The following SGCZ variants were observed in gnomAD, a reference collection of about 807,000 sequenced individuals.
SGCZ encodes the protein zeta-sarcoglycan.
A neutral mutation model predicts 41.3 loss-of-function variants in SGCZ; 40 were observed. The observed-to-expected ratio is 0.97, with a 90% CI of 0.75 to 1.26. The LOEUF is 1.26. SGCZ is among the 50% of genes most tolerant of loss of function. SGCZ has a pLI of 0.00. For synonymous variants in SGCZ, 206 were observed against 137.5 expected, an observed-to-expected ratio of 1.50 and a Z score of -3.49; for missense variants, 552 against 369.8, an observed-to-expected ratio of 1.49 and a Z score of -4.04.
chr8:14,813,144 C>G (rs1055822837), intron 1 of SGCZ, among the ~76,000 whole-genome samples: 3 of 152,154 alleles, frequency 2.0e-5, no homozygotes, highest in Admixed American at 6.6e-5. Flanking sequence ...CACCATCTGA[C>G]TGCCTCAAAG....
At chr8:15,006,524 A>G (rs542586198) in intron 1 of SGCZ, among the ~76,000 whole-genome samples, 1 of 152,340 alleles carries the variant, frequency 6.6e-6, no homozygotes, top group Middle Eastern at 3.4e-3. Flanking sequence ...AAGCCTGATC[A>G]TTAGCCATTG....
At chr8:14,751,572 T>C (rs1256373772) in intron 1 of SGCZ, among the ~76,000 whole-genome samples, 2 of 152,196 alleles carry the variant, frequency 1.3e-5, no homozygotes, top group Non-Finnish European at 2.9e-5. Flanking sequence ...ACTGTATTTT[T>C]ATTTCCACAG....
intron 4 of SGCZ, among the ~76,000 whole-genome samples, chr8:14,217,218 C>A (rs1390812433): frequency 7.0e-6 from 1 of 141,924 alleles, no homozygotes; most frequent in Non-Finnish European, 1.5e-5. Flanking sequence ...ATGGCGTGAA[C>A]CTGGGAGGCA....
intron 2 of SGCZ, among the ~76,000 whole-genome samples, chr8:14,402,896 C>T (rs1004659188): frequency 7.7e-4 from 116 of 149,956 alleles, no homozygotes; most frequent in Non-Finnish European, 1.2e-3. Context: ...GCCATTTTCA[C>T]GATATTGATT....
chr8:14,122,822 G>A (rs1227285784), intron 5 of SGCZ, among the ~76,000 whole-genome samples: 2 of 95,236 alleles, frequency 2.1e-5, no homozygotes, highest in African/African-American at 8.5e-5. Context: ...AGAAATTTGG[G>A]AAACATTATC....
At chr8:14,610,003 G>T (rs374852835) in intron 1 of SGCZ, among the ~76,000 whole-genome samples, 1 of 152,130 alleles carries the variant, frequency 6.6e-6, no homozygotes. Flanking sequence ...GTCTGTTCAC[G>T]AGGGAGATTT....
intron 1 of SGCZ, among the ~76,000 whole-genome samples, chr8:14,620,142 A>G (rs1203390602): frequency 6.6e-6 from 1 of 152,148 alleles, no homozygotes; most frequent in African/African-American, 2.4e-5. Flanking sequence ...CCACACATCT[A>G]CAACCATCTG....
At chr8:14,444,091 G>A (rs1262068855) in intron 2 of SGCZ, among the ~76,000 whole-genome samples, 1 of 152,144 alleles carries the variant, frequency 6.6e-6, no homozygotes, top group Non-Finnish European at 1.5e-5. Flanking sequence ...TCAGAGAAAT[G>A]CAAATCAAAA....
At chr8:14,196,974 C>A (rs1447662044) in intron 4 of SGCZ, among the ~76,000 whole-genome samples, 1 of 151,854 alleles carries the variant, frequency 6.6e-6, no homozygotes, top group Non-Finnish European at 1.5e-5. Context: ...AAAATGACTG[C>A]AAATGGACAA....
intron 2 of SGCZ, among the ~76,000 whole-genome samples, chr8:14,429,845 T>C (rs575054949): frequency 2.7e-4 from 41 of 152,278 alleles, no homozygotes; most frequent in Admixed American, 2.6e-4. Flanking sequence ...TGCATGTTAC[T>C]GATCTGTTAA....
At chr8:15,153,096 T>C (rs187139259) in intron 1 of SGCZ, among the ~76,000 whole-genome samples, 1 of 152,210 alleles carries the variant, frequency 6.6e-6, no homozygotes, top group African/African-American at 2.4e-5. Context: ...GAAAATCATT[T>C]GAGAGACTAC....
At chr8:14,908,665 G>A (rs537218480) in intron 1 of SGCZ, among the ~76,000 whole-genome samples, 36 of 149,492 alleles carry the variant, frequency 2.4e-4, no homozygotes, top group Admixed American at 1.9e-3. Context: ...CAGGAGAATC[G>A]CTGGAACCTG....
intron 3 of SGCZ, among the ~76,000 whole-genome samples, chr8:14,271,085 A>G (rs1800042842): frequency 6.6e-6 from 1 of 152,296 alleles, no homozygotes; most frequent in East Asian, 1.9e-4. Context: ...ATTAGGAGAT[A>G]TACCTAATGT....
chr8:14,990,595 C>A (rs1329431285), intron 1 of SGCZ, among the ~76,000 whole-genome samples: 1 of 152,056 alleles, frequency 6.6e-6, no homozygotes, highest in Non-Finnish European at 1.5e-5. Context: ...CTCATCACCC[C>A]TAGATGAGAC....
intron 1 of SGCZ, among the ~76,000 whole-genome samples, chr8:14,620,816 T>C (rs1806260108): frequency 6.6e-6 from 1 of 152,090 alleles, no homozygotes. Context: ...TGTGGAGAAA[T>C]AGGAACACTT....
At chr8:14,137,676 T>A (rs113854824) in intron 5 of SGCZ, among the ~76,000 whole-genome samples, 7 of 152,252 alleles carry the variant, frequency 4.6e-5, no homozygotes, top group African/African-American at 1.7e-4. Context: ...AATATGGGAC[T>A]TTGTGAAAAG....
intron 1 of SGCZ, among the ~76,000 whole-genome samples, chr8:14,725,588 G>C (rs1423407300): frequency 6.6e-6 from 1 of 152,036 alleles, no homozygotes; most frequent in Non-Finnish European, 1.5e-5. Flanking sequence ...GAGAAGCAAG[G>C]GGCACACAAA....
chr8:15,075,026 G>C (rs1805480541), intron 1 of SGCZ, among the ~76,000 whole-genome samples: 2 of 152,266 alleles, frequency 1.3e-5, no homozygotes, highest in Admixed American at 6.5e-5. Context: ...CCAAAAGCTT[G>C]TCACGGAGCA....
intron 4 of SGCZ, among the ~76,000 whole-genome samples, chr8:14,178,908 C>T (rs902145958): frequency 3.3e-5 from 5 of 152,142 alleles, no homozygotes; most frequent in South Asian, 2.1e-4. Flanking sequence ...AAAAGGGTTA[C>T]GACATGAGGC....
Sources: allele counts gnomAD v4.1 joint callset (sites outside exome capture counted in the v4.1 genomes callset), GRCh38; gene constraint gnomAD v4.1.1; transcripts MANE v1.5; gene names NCBI Gene and HGNC (gene_info 2026-07-23, HGNC 2026-07-21).